The following ZNF737 variants were observed in gnomAD, a reference collection of about 807,000 sequenced individuals.
ZNF737 encodes the protein zinc finger protein 102 (Y3).
ZNF737 carries 13 observed loss-of-function variants against 11.7 expected under a neutral mutation model. That is an observed-to-expected ratio of 1.11 (90% CI 0.73 to 1.77). The LOEUF (loss-of-function observed/expected upper bound fraction) is 1.77, where lower values mean the gene tolerates loss of function less well. Ranked by LOEUF, ZNF737 falls within the 40% of genes most tolerant of loss-of-function variation. The pLI is 0.00. For missense variants in ZNF737, 636 were observed against 638.0 expected (o/e 1.00, Z 0.03); for synonymous variants, 217 against 216.2 (o/e 1.00, Z -0.03).
rs1385805524 is a variant in ZNF737, at chr19:20,539,430, C to T, written c.*5162G>A. 2.0e-6 allele frequency: 2 copies of T among 985,406 alleles called. No individual in the cohort carries two copies. The highest frequency in any genetic ancestry group is 2.3e-4 in the East Asian group (2 of 8,816). The allele number at this position is 985,406 out of a possible 1,614,324, so 61.0% of individuals were successfully genotyped here. The stretch of plus-strand genomic sequence containing the variant: ...TCATTGAGCAAAGCTTAAATCTTGC[C>T]TTTGTTTCTTGTTAGTCATCTGGCC... On this transcript the variant is annotated 3_prime_UTR_variant, in exon 4 of 4. Transcript: ENST00000427401.
downstream of ZNF737, among the ~76,000 whole-genome samples, chr19:20,534,453 ATATCTATC>A (rs59237794): frequency 0.11 from 16,371 of 144,672 alleles, 1,717 homozygotes; most frequent in South Asian, 0.15. Context: ...AAAAGAAAAA[ATATCTATC>A]TATCTATCTA....
downstream of ZNF737, among the ~76,000 whole-genome samples, chr19:20,533,672 C>T (rs1305178541): frequency 6.7e-6 from 1 of 150,074 alleles, no homozygotes; most frequent in East Asian, 2.0e-4. Context: ...CCTTGTAAAG[C>T]TGTGTGGTAT....
At chr19:20,532,802 A>G (rs1204563370), downstream of ZNF737, among the ~76,000 whole-genome samples, 2 of 149,986 alleles carry the variant, frequency 1.3e-5, no homozygotes, top group Admixed American at 1.3e-4. Flanking sequence ...GTGGCACTTC[A>G]GTGAATGTTC....
downstream of ZNF737, among the ~76,000 whole-genome samples, chr19:20,532,776 C>A (rs62105645): frequency 1.3e-5 from 2 of 149,950 alleles, no homozygotes; most frequent in Admixed American, 1.3e-4. Context: ...TTTGACCTGG[C>A]AAATAAGAGC....
chr19:20,565,542 C>A, intron 1 of ZNF737, 96 bp downstream of exon 1: 2 of 1,592,680 alleles, frequency 1.3e-6, no homozygotes, highest in South Asian at 2.2e-5. Flanking sequence ...GATTGTGGAG[C>A]TGACTGCGCA....
At chr19:20,534,917 C>A (rs1555753548), downstream of ZNF737, among the ~76,000 whole-genome samples, 1 of 149,818 alleles carries the variant, frequency 6.7e-6, no homozygotes, top group Non-Finnish European at 1.5e-5. Flanking sequence ...AAAGTAATAA[C>A]CTTTATCCAG....
intron 2 of ZNF737, 61 bp from the exon 3 acceptor site, chr19:20,552,631 A>T: frequency 8.6e-7 from 1 of 1,160,996 alleles, no homozygotes; most frequent in Non-Finnish European, 1.2e-6. Flanking sequence ...CAAGCTAGTA[A>T]TGTGCTCGCA....
intron 3 of ZNF737, among the ~76,000 whole-genome samples, chr19:20,551,733 G>T (rs1217645865): frequency 6.6e-6 from 1 of 151,512 alleles, no homozygotes; most frequent in African/African-American, 2.4e-5. Context: ...AAGAAGGTAA[G>T]AAAATGTTTA....
At chr19:20,549,655 C>T (rs372675361) in intron 3 of ZNF737, among the ~76,000 whole-genome samples, 10 of 151,942 alleles carry the variant, frequency 6.6e-5, no homozygotes, top group African/African-American at 2.2e-4. Context: ...TCAGGCCGGG[C>T]ACAGTGGCTC....
intron 1 of ZNF737, among the ~76,000 whole-genome samples, chr19:20,556,500 T>C (rs1555761204): frequency 6.6e-6 from 1 of 152,184 alleles, no homozygotes; most frequent in African/African-American, 2.4e-5. Context: ...AGCTCCACTT[T>C]ATGTAATGTG....
downstream of ZNF737, chr19:20,536,196 AAAGATT>A: frequency 1.4e-6 from 1 of 705,006 alleles, no homozygotes; most frequent in Non-Finnish European, 1.7e-6. Flanking sequence ...CTAGTAAAAT[AAAGATT>A]AATTTTGTTG....
At chr19:20,549,103 C>T (rs2144641009) in intron 3 of ZNF737, among the ~76,000 whole-genome samples, 1 of 151,494 alleles carries the variant, frequency 6.6e-6, no homozygotes, top group Admixed American at 6.6e-5. Context: ...CTCACTTAGA[C>T]AAGATAAAAC....
chr19:20,548,614 T>G (rs1968541190), intron 3 of ZNF737, among the ~76,000 whole-genome samples: 1 of 152,016 alleles, frequency 6.6e-6, no homozygotes, highest in African/African-American at 2.4e-5. Context: ...ATGACTGAAA[T>G]GAACAGCTTT....
chr19:20,543,295 AG>A lies in ZNF737; in HGVS notation c.*1296del, dbSNP rs1968295575. 4 of 985,634 alleles carry A rather than the reference AG, an allele frequency of 4.1e-6. No individual in the cohort carries two copies. Among genetic ancestry groups the A allele is most frequent in the Non-Finnish European group, 4.8e-6 (4 of 829,888 alleles). The allele number at this position is 985,634 out of a possible 1,614,324, so 61.1% of individuals were successfully genotyped here. A position where few individuals can be genotyped will look rare whatever the true frequency, so the allele number is the denominator to read the frequency against. Reference sequence around the variant, plus strand: ...TTGAACAAACTTGAGCAACTGCTTTAGGATTTTCCTCCAGTACAAAATGTGT... The same window carrying A: ...TTGAACAAACTTGAGCAACTGCTTTAGATTTTCCTCCAGTACAAAATGTGT... On this transcript the variant is annotated 3_prime_UTR_variant, in exon 4 of 4. Transcript: ENST00000427401.
rs1968318285 is a variant in ZNF737 at position 20,543,838 on chromosome 19, G to C, written c.*754C>G. ...TATTGCCATGCCTCTTAAGAATTGA[G>C]AACTTGTGGCTGGGCGTCGTGGCTC... On this transcript the variant is annotated 3_prime_UTR_variant, in exon 4 of 4. Transcript: ENST00000427401. 1 of 985,252 alleles carries C rather than the reference G, an allele frequency of 1.0e-6. No individual in the cohort carries two copies. Among genetic ancestry groups the C allele is most frequent in the Non-Finnish European group, 1.2e-6 (1 of 829,924 alleles). The allele number at this position is 985,252 out of a possible 1,614,324, so 61.0% of individuals were successfully genotyped here. A position where few individuals can be genotyped will look rare whatever the true frequency, so the allele number is the denominator to read the frequency against.
chr19:20,539,566 AAG>A lies in ZNF737; in HGVS notation c.*5024_*5025del. ...TGTTACCTTGGTCATGTGAATCTAA[AAG>A]AAACTATCTACATAACTAATCATGG... On this transcript the variant is annotated 3_prime_UTR_variant, in exon 4 of 4. Transcript: ENST00000427401. 2.0e-6 allele frequency: 2 copies of A among 983,078 alleles called. No homozygotes were observed. The highest frequency in any genetic ancestry group is 2.4e-6 in the Non-Finnish European group (2 of 827,772). 60.9% of individuals were successfully genotyped at this position (983,078 alleles called of 1,614,324 possible).
At chr19:20,548,608 C>T (rs1968540972) in intron 3 of ZNF737, among the ~76,000 whole-genome samples, 1 of 151,926 alleles carries the variant, frequency 6.6e-6, no homozygotes, top group African/African-American at 2.4e-5. Context: ...CTTAACATGA[C>T]TGAAATGAAC....
chr19:20,557,582 G>C (rs1351235117), intron 1 of ZNF737, among the ~76,000 whole-genome samples: 1 of 149,372 alleles, frequency 6.7e-6, no homozygotes, highest in South Asian at 2.1e-4. Flanking sequence ...ATTCTAATAC[G>C]CAATTTAAAC....
chr19:20,559,962 C>G, intron 1 of ZNF737, among the ~76,000 whole-genome samples: 1 of 151,332 alleles, frequency 6.6e-6, no homozygotes. Context: ...GTCAGGAGAT[C>G]GAGACCATCC....
Sources: allele counts gnomAD v4.1 joint callset (sites outside exome capture counted in the v4.1 genomes callset), GRCh38; gene constraint gnomAD v4.1.1; transcripts MANE v1.5; gene names NCBI Gene and HGNC (gene_info 2026-07-23, HGNC 2026-07-21).